The following F13B variants were observed in gnomAD, a reference collection of about 807,000 sequenced individuals.
F13B encodes the protein TGase.
A neutral mutation model predicts 79.8 loss-of-function variants in F13B; 58 were observed. The ratio of observed to expected loss-of-function variants is 0.73; its 90% confidence interval spans 0.59 to 0.90. F13B has a LOEUF of 0.90. Ranked by LOEUF, F13B falls within the 40% of genes least tolerant of loss-of-function variation. F13B has a pLI of 0.00. For synonymous variants in F13B, 283 were observed against 260.3 expected (o/e 1.09, Z -0.84); for missense variants, 773 against 777.0 (o/e 0.99, Z 0.06).
At chr1:197,043,653 A>G (rs944648959) in intron 10 of F13B, among the ~76,000 whole-genome samples, 3 of 152,216 alleles carry the variant, frequency 2.0e-5, no homozygotes, top group Non-Finnish European at 2.9e-5. Context: ...AGTTTAAAGC[A>G]GATTGGATAC....
At chr1:197,059,885 T>G (rs998113227) in intron 5 of F13B, among the ~76,000 whole-genome samples, 1 of 152,176 alleles carries the variant, frequency 6.6e-6, no homozygotes, top group Non-Finnish European at 1.5e-5. Flanking sequence ...ATTACATTTT[T>G]GGGCAGCTTT....
At position 197,039,430 on chromosome 1, in the gene F13B, G is replaced by A; in HGVS notation, c.1953-19C>T. ...CAGAGTGCTTGAGGGGAAAAAGAGA[G>A]ATTTTTGAAATAAGCATCAATTGCA... On this transcript the variant is annotated intron_variant, in intron 11 of 11. Transcript: ENST00000367412. 5 of 1,605,844 alleles carry A rather than the reference G, an allele frequency of 3.1e-6. No individual in the cohort carries two copies. Among genetic ancestry groups the A allele is most frequent in the Non-Finnish European group, 4.3e-6 (5 of 1,174,660 alleles).
chr1:197,050,778 A>T lies in F13B; in HGVS notation c.1657T>A (p.Cys553Ser). The part of the protein sequence containing the change: ...YENGSSVEYR[C>S]FDHHFLEGSR... Reference sequence around the variant, plus strand: ...CCTTCTAGGAAATGGTGATCAAAACATCTGTATTCTACTGAAGAGCCATTT... The same window carrying T: ...CCTTCTAGGAAATGGTGATCAAAACTTCTGTATTCTACTGAAGAGCCATTT... Residue 553 changes from cysteine to serine, a missense_variant, in exon 10 of 12, where the codon TGT (cysteine) becomes AGT (serine). Cys to Ser is a moderately radical substitution (Grantham distance 112). Coordinates refer to ENST00000367412, the MANE Select transcript of F13B (RefSeq NM_001994.3). 1 of 1,613,472 alleles carries T rather than the reference A, an allele frequency of 6.2e-7. No homozygotes were observed. The highest frequency in any genetic ancestry group is 8.5e-7 in the Non-Finnish European group (1 of 1,179,634).
intron 3 of F13B, 108 bp downstream of exon 3, chr1:197,061,676 T>C (rs1453099612): frequency 3.3e-6 from 3 of 913,066 alleles, no homozygotes; most frequent in East Asian, 5.3e-5. Flanking sequence ...ATTGTAGACA[T>C]AATGAAAAAT....
At chr1:197,056,921 G>A in intron 7 of F13B, 92 bp downstream of exon 7, 2 of 1,364,264 alleles carry the variant, frequency 1.5e-6, no homozygotes, top group Non-Finnish European at 2.1e-6. Flanking sequence ...CCTAAGCAGT[G>A]GTCTTTTCCT....
rs1208001908 is a variant in F13B, at chr1:197,060,558, T to C, written c.629-16A>G. ...CACTTTAATTCTGCAAATAAAAGAA[T>C]GAATAAAATTACAAACAAATGTTTA... On this transcript the variant is annotated splice_polypyrimidine_tract_variant and intron_variant, in intron 4 of 11. Coordinates refer to ENST00000367412, the MANE Select transcript of F13B (RefSeq NM_001994.3). 2 of 1,507,708 alleles carry C rather than the reference T, an allele frequency of 1.3e-6. No individual in the cohort carries two copies. Among genetic ancestry groups the C allele is most frequent in the Admixed American group, 1.8e-5 (1 of 56,966 alleles). 93.4% of individuals were successfully genotyped at this position (1,507,708 alleles called of 1,614,324 possible).
intron 8 of F13B, 49 bp downstream of exon 8, chr1:197,055,666 A>C (rs925410202): frequency 6.4e-7 from 1 of 1,570,914 alleles, no homozygotes; most frequent in African/African-American, 1.4e-5. Flanking sequence ...ACTGTAAGAA[A>C]ATCACATAAA....
At chr1:197,057,740 C>T (rs116525019) in intron 5 of F13B, among the ~76,000 whole-genome samples, 3 of 151,864 alleles carry the variant, frequency 2.0e-5, no homozygotes, top group Admixed American at 6.6e-5. Context: ...CAGTTTTTAA[C>T]GCCATTCTTG....
chr1:197,055,272 A>G (rs1437474767), intron 8 of F13B, among the ~76,000 whole-genome samples: 1 of 151,982 alleles, frequency 6.6e-6, no homozygotes, highest in East Asian at 1.9e-4. Context: ...CGGTGGTAAA[A>G]TTTAGCAATA....
intron 10 of F13B, among the ~76,000 whole-genome samples, chr1:197,041,993 A>G (rs1182185915): frequency 6.6e-6 from 1 of 152,174 alleles, no homozygotes; most frequent in East Asian, 1.9e-4. Flanking sequence ...CTGGGGCAGG[A>G]AGGATGGAAT....
chr1:197,057,413 T>C lies in F13B; in HGVS notation c.858A>G (p.Gln286=), dbSNP rs774547697. ...PPPLPINSKI[Q]THSTTYRHGE... ...CATGACGATAAGTTGTTGAATGTGTTTGAATTTTGGAGTTTATGGGCAGAG... is the reference window on the plus strand; with the variant it reads ...CATGACGATAAGTTGTTGAATGTGTCTGAATTTTGGAGTTTATGGGCAGAG... Residue 286 remains glutamine (Q), a synonymous_variant, in exon 6 of 12, where the codon CAA becomes CAG. Coordinates refer to ENST00000367412, the MANE Select transcript of F13B (RefSeq NM_001994.3). The C allele has an allele frequency of 3.7e-6, 6 of 1,613,944 alleles. No individual in the cohort carries two copies. The highest frequency in any genetic ancestry group is 5.1e-6 in the Non-Finnish European group (6 of 1,179,900).
chr1:197,044,682 C>T (rs1399371604), intron 10 of F13B, among the ~76,000 whole-genome samples: 1 of 152,108 alleles, frequency 6.6e-6, no homozygotes, highest in African/African-American at 2.4e-5. Flanking sequence ...CATAACTCTC[C>T]ACTCCAAATC....
At position 197,057,542 on chromosome 1, in the gene F13B, A is replaced by G. The variant is rs1759009; in HGVS notation, c.806-77T>C. ...TAAAGATTAAATTAAAATATTCATC[A>G]TGTCAAGCATCATAGAGAGAATGGC... is the stretch of plus-strand genomic sequence containing the variant. On this transcript the variant is annotated intron_variant, in intron 5 of 11. Coordinates refer to ENST00000367412, the MANE Select transcript of F13B (RefSeq NM_001994.3). 1,278,855 of 1,419,236 alleles carry G rather than the reference A, an allele frequency of 0.9. 577,940 individuals are homozygous for G. Among genetic ancestry groups the G allele is most frequent in the East Asian group, 1 (40,105 of 40,120 alleles). The allele number at this position is 1,419,236 out of a possible 1,614,324, so 87.9% of individuals were successfully genotyped here.
At chr1:197,045,175 A>G (rs754169980) in intron 10 of F13B, among the ~76,000 whole-genome samples, 40 of 152,136 alleles carry the variant, frequency 2.6e-4, no homozygotes, top group Admixed American at 3.9e-4. Flanking sequence ...AACTGAAGGA[A>G]ATAGAGACAC....
Position 197,057,273 on chromosome 1 carries a change from A to G in F13B, c.985+13T>C. ...ATTTCATTTTAGCAAAGCTTCTTCA[A>G]GGTGTTACTAACCAATGCATTTTGG... On this transcript the variant is annotated intron_variant, in intron 6 of 11. Transcript: ENST00000367412. 6.2e-7 allele frequency: 1 copy of G among 1,613,948 alleles called. No homozygotes were observed. Among genetic ancestry groups the G allele is most frequent in the Non-Finnish European group, 8.5e-7 (1 of 1,179,912 alleles).
Position 197,057,000 on chromosome 1 carries a change from G to A in F13B, c.1171+13C>T. ...ATAAGTTTAGCTACTGATGGTAAAT[G>A]TAGCATACATACCAACACACTCAGG... On this transcript the variant is annotated intron_variant, in intron 7 of 11. Transcript: ENST00000367412. 1 of 1,612,238 alleles carries A rather than the reference G, an allele frequency of 6.2e-7. No individual in the cohort carries two copies. Among genetic ancestry groups the A allele is most frequent in the Non-Finnish European group, 8.5e-7 (1 of 1,179,048 alleles).
intron 11 of F13B, 148 bp downstream of exon 11, chr1:197,040,374 T>A (rs566767094): frequency 3.2e-6 from 2 of 621,890 alleles, no homozygotes; most frequent in Non-Finnish European, 5.6e-6. Context: ...CAGTTGTTTG[T>A]TTGGTGTAAA....
At chr1:197,041,310 C>T (rs1408601738) in intron 10 of F13B, among the ~76,000 whole-genome samples, 1 of 152,090 alleles carries the variant, frequency 6.6e-6, no homozygotes, top group Non-Finnish European at 1.5e-5. Flanking sequence ...AAATTCTAAG[C>T]ATACAAAGTA....
In F13B at chr1:197,067,249, T is replaced by C. The variant is rs1656093989; in HGVS notation, c.-26A>G. The C allele has an allele frequency of 6.4e-7, 1 of 1,564,854 alleles. No individual in the cohort carries two copies. The highest frequency in any genetic ancestry group is 1.4e-5 in the African/African-American group (1 of 73,892). Reference sequence around the variant, plus strand: ...CTTCAGTGGTGTGCTTCACAAAGATTTTAACAATTCTAAGCACTAGGAACT... The same window carrying C: ...CTTCAGTGGTGTGCTTCACAAAGATCTTAACAATTCTAAGCACTAGGAACT... On this transcript the variant is annotated 5_prime_UTR_variant, in exon 1 of 12. Transcript: ENST00000367412.
Sources: gnomAD v4.1 joint callset for allele counts (sites outside exome capture counted in the v4.1 genomes callset) on GRCh38, gnomAD v4.1.1 for gene constraint, MANE v1.5 for transcripts, NCBI Gene and HGNC (gene_info 2026-07-23, HGNC 2026-07-21) for gene names.